MAGI2: variants seen among roughly 807,000 people sequenced by gnomAD.
MAGI2 encodes the protein membrane-associated guanylate kinase, WW and PDZ domain-containing protein 2.
A neutral mutation model predicts 133.3 loss-of-function variants in MAGI2; 35 were observed. The observed-to-expected ratio is 0.26, with a 90% CI of 0.20 to 0.35. The LOEUF is 0.35. MAGI2 is among the 10% of genes least tolerant of loss of function. MAGI2 has a pLI of 1.00. For missense variants in MAGI2, 1,636 were observed against 1,863.4 expected (o/e 0.88, Z 2.25); for synonymous variants, 729 against 710.6 (o/e 1.03, Z -0.41).
intron 2 of MAGI2, among the ~76,000 whole-genome samples, chr7:78,954,146 A>G (rs1481670853): frequency 6.6e-6 from 1 of 152,068 alleles, no homozygotes; most frequent in Non-Finnish European, 1.5e-5. Flanking sequence ...CCTGGATAAT[A>G]TGCCTCCTCA....
chr7:79,357,206 C>G (rs964974646), intron 1 of MAGI2, among the ~76,000 whole-genome samples: 1 of 152,120 alleles, frequency 6.6e-6, no homozygotes, highest in Non-Finnish European at 1.5e-5. Flanking sequence ...AGTCAAAGAA[C>G]AGCTAAAGAA....
intron 20 of MAGI2, among the ~76,000 whole-genome samples, chr7:78,079,431 T>C (rs530642373): frequency 6.2e-4 from 95 of 152,376 alleles, no homozygotes; most frequent in Non-Finnish European, 1.1e-3. Flanking sequence ...CTGGCATCTT[T>C]GCTTTGAATC....
At chr7:79,135,346 A>G (rs1821294103) in intron 1 of MAGI2, among the ~76,000 whole-genome samples, 1 of 152,242 alleles carries the variant, frequency 6.6e-6, no homozygotes, top group African/African-American at 2.4e-5. Context: ...TTACAAAAGG[A>G]AATTACATAG....
Position 78,879,125 on chromosome 7 carries a change from G to A in MAGI2, c.418+127965C>T, listed in dbSNP as rs116776955. Among the ~76,000 whole-genome samples the A allele has an allele frequency of 2.1e-3, 323 of 152,138 alleles. 3 individuals carry two copies. Among genetic ancestry groups the A allele is most frequent in the African/African-American group, 7.5e-3 (310 of 41,518 alleles). On this transcript the variant is annotated intron_variant, in intron 2 of 21. Transcript: ENST00000354212. ...AGAACTTCCCTATCTCCATGCATAG[G>A]CCCAACTCTGGATGCTTAGTAGCCA...
chr7:78,999,049 T>C (rs1806594767), intron 2 of MAGI2, among the ~76,000 whole-genome samples: 2 of 152,250 alleles, frequency 1.3e-5, no homozygotes, highest in East Asian at 1.9e-4. Flanking sequence ...CCCCATTTAT[T>C]CCTTGGGCAG....
intron 2 of MAGI2, among the ~76,000 whole-genome samples, chr7:78,755,488 A>T (rs1823859956): frequency 6.6e-6 from 1 of 152,206 alleles, no homozygotes; most frequent in South Asian, 2.1e-4. Flanking sequence ...TGTTTCATTT[A>T]ATGTAATAAA....
chr7:79,079,887 TG>T (rs1269499949), intron 1 of MAGI2, among the ~76,000 whole-genome samples: 3 of 152,138 alleles, frequency 2.0e-5, no homozygotes, highest in Non-Finnish European at 4.4e-5. Context: ...AATGTATTAT[TG>T]GTATATTATT....
intron 10 of MAGI2, among the ~76,000 whole-genome samples, chr7:78,231,747 GAC>G (rs1301616206): frequency 6.6e-6 from 1 of 152,054 alleles, no homozygotes; most frequent in African/African-American, 2.4e-5. Flanking sequence ...CCCTTTGTTG[GAC>G]ACAAAGGGAA....
intron 1 of MAGI2, among the ~76,000 whole-genome samples, chr7:79,154,557 A>G (rs533975798): frequency 6.6e-6 from 1 of 152,284 alleles, no homozygotes; most frequent in African/African-American, 2.4e-5. Flanking sequence ...AAGTACTTCA[A>G]TGGCTGCCTT....
chr7:79,063,536 A>AAT (rs1238711336), intron 1 of MAGI2, among the ~76,000 whole-genome samples: 1 of 152,078 alleles, frequency 6.6e-6, no homozygotes, highest in African/African-American at 2.4e-5. Flanking sequence ...GTACAGAGTG[A>AAT]ATATTAGAAA....
chr7:79,205,668 T>A (rs1828985245), intron 1 of MAGI2, among the ~76,000 whole-genome samples: 1 of 151,888 alleles, frequency 6.6e-6, no homozygotes, highest in Admixed American at 6.6e-5. Flanking sequence ...TACAATAATT[T>A]ATTAAAGGAT....
chr7:78,660,904 T>C (rs1451892422), intron 2 of MAGI2, among the ~76,000 whole-genome samples: 1 of 152,212 alleles, frequency 6.6e-6, no homozygotes, highest in Non-Finnish European at 1.5e-5. Context: ...ACTCTGTTTA[T>C]TGAAACAGCA....
intron 20 of MAGI2, among the ~76,000 whole-genome samples, chr7:78,081,618 T>C (rs4727608): frequency 0.67 from 102,526 of 152,006 alleles, 34,799 homozygotes; most frequent in East Asian, 0.75. Flanking sequence ...GTAGCATATG[T>C]AAAGGCTGCA....
At chr7:79,135,468 T>C (rs954645493) in intron 1 of MAGI2, among the ~76,000 whole-genome samples, 1 of 152,148 alleles carries the variant, frequency 6.6e-6, no homozygotes, top group East Asian at 1.9e-4. Flanking sequence ...TCCAGTGAAA[T>C]ATTTATAGCA....
intron 1 of MAGI2, among the ~76,000 whole-genome samples, chr7:79,064,314 A>C (rs1421711660): frequency 6.6e-6 from 1 of 151,980 alleles, no homozygotes; most frequent in Admixed American, 6.6e-5. Context: ...AGAAAGAAAA[A>C]ACAAGGATGT....
At chr7:78,901,413 A>C (rs192166311) in intron 2 of MAGI2, 1 of 152,306 alleles carries the variant, frequency 6.6e-6, no homozygotes, top group African/African-American at 2.4e-5. Flanking sequence ...CACGGTACCG[A>C]TGATAGCTGC....
intron 2 of MAGI2, among the ~76,000 whole-genome samples, chr7:78,969,657 A>G (rs2115950303): frequency 6.6e-6 from 1 of 152,200 alleles, no homozygotes; most frequent in South Asian, 2.1e-4. Context: ...CTTACTTTGA[A>G]GTAAACCTTA....
At chr7:78,865,841 T>C (rs1277785425) in intron 2 of MAGI2, among the ~76,000 whole-genome samples, 1 of 152,102 alleles carries the variant, frequency 6.6e-6, no homozygotes, top group African/African-American at 2.4e-5. Context: ...AAAACTATTA[T>C]AGTCAGGGAG....
At chr7:78,697,017 A>G (rs117410349) in intron 2 of MAGI2, among the ~76,000 whole-genome samples, 2 of 152,336 alleles carry the variant, frequency 1.3e-5, no homozygotes, top group Non-Finnish European at 2.9e-5. Context: ...ACACAACTAC[A>G]ACATGTGCTA....
Sources: allele counts gnomAD v4.1 joint callset (sites outside exome capture counted in the v4.1 genomes callset), GRCh38; gene constraint gnomAD v4.1.1; transcripts MANE v1.5; gene names NCBI Gene and HGNC (gene_info 2026-07-23, HGNC 2026-07-21).